Variants in LSAMP observed in about 807,000 individuals in gnomAD.
LSAMP encodes limbic system associated membrane protein.
LSAMP carries 7 observed loss-of-function variants against 38.6 expected under a neutral mutation model. The ratio of observed to expected loss-of-function variants is 0.18; its 90% CI spans 0.10 to 0.34. The LOEUF is 0.34. LSAMP is among the 10% of genes least tolerant of loss of function. The probability of loss-of-function intolerance (pLI) is 1.00; values close to 1 mark genes in which losing one functional copy is unlikely to be tolerated. For synonymous variants in LSAMP, 154 were observed against 166.8 expected (o/e 0.92, Z 0.59); for missense variants, 313 against 420.0 (o/e 0.75, Z 2.23).
chr3:116,335,485 C>T (rs1325005278), intron 1 of LSAMP, among the ~76,000 whole-genome samples: 1 of 152,034 alleles, frequency 6.6e-6, no homozygotes, highest in Non-Finnish European at 1.5e-5. Context: ...CTACAGTAAT[C>T]AAGAGTGTGG....
At chr3:115,944,340 T>C (rs1938026517) in intron 3 of LSAMP, among the ~76,000 whole-genome samples, 1 of 152,164 alleles carries the variant, frequency 6.6e-6, no homozygotes, top group Admixed American at 6.6e-5. Flanking sequence ...CATGACAGTT[T>C]TGCCTATTTG....
At chr3:116,410,131 A>AT (rs1265294710) in intron 1 of LSAMP, among the ~76,000 whole-genome samples, 1 of 152,018 alleles carries the variant, frequency 6.6e-6, no homozygotes, top group Non-Finnish European at 1.5e-5. Context: ...CATTAAGATA[A>AT]TTTCTGCTGT....
At chr3:116,345,392 A>G (rs1196579078) in intron 1 of LSAMP, among the ~76,000 whole-genome samples, 2 of 152,156 alleles carry the variant, frequency 1.3e-5, no homozygotes, top group Non-Finnish European at 2.9e-5. Context: ...AGCAGGGGTC[A>G]TCTGGAGAAA....
At chr3:116,275,470 G>T (rs1576476084) in intron 1 of LSAMP, among the ~76,000 whole-genome samples, 1 of 151,998 alleles carries the variant, frequency 6.6e-6, no homozygotes, top group East Asian at 1.9e-4. Context: ...AGTGTGTGTG[G>T]GCATTGGGGG....
At chr3:116,279,467 G>A (rs1423181674) in intron 1 of LSAMP, among the ~76,000 whole-genome samples, 2 of 152,270 alleles carry the variant, frequency 1.3e-5, no homozygotes, top group East Asian at 3.9e-4. Context: ...TTTGACTAAA[G>A]CCAGGTGTAG....
At chr3:116,275,872 A>G (rs1353276780) in intron 1 of LSAMP, among the ~76,000 whole-genome samples, 1 of 152,246 alleles carries the variant, frequency 6.6e-6, no homozygotes, top group Non-Finnish European at 1.5e-5. Context: ...TGATAGAATC[A>G]TTCTATACGT....
intron 1 of LSAMP, among the ~76,000 whole-genome samples, chr3:116,334,755 G>A (rs2047896917): frequency 6.6e-6 from 1 of 152,010 alleles, no homozygotes; most frequent in Non-Finnish European, 1.5e-5. Flanking sequence ...CATAAGTAAA[G>A]CCATATATGA....
intron 1 of LSAMP, among the ~76,000 whole-genome samples, chr3:116,438,022 A>G (rs1363854559): frequency 2.7e-5 from 4 of 148,700 alleles, no homozygotes; most frequent in African/African-American, 4.9e-5. Context: ...GGTTAATCAC[A>G]CATTAACTGG....
chr3:116,232,505 A>C (rs2046412077), intron 1 of LSAMP, among the ~76,000 whole-genome samples: 1 of 152,178 alleles, frequency 6.6e-6, no homozygotes, highest in African/African-American at 2.4e-5. Context: ...TTCAGTATCG[A>C]GATAGAAAGC....
At chr3:116,181,067 T>C (rs926184310) in intron 1 of LSAMP, among the ~76,000 whole-genome samples, 5 of 152,040 alleles carry the variant, frequency 3.3e-5, no homozygotes, top group African/African-American at 4.8e-5. Context: ...TATGTAGGAA[T>C]TGTGCTTGGC....
At chr3:115,939,450 C>A (rs1199947998) in intron 3 of LSAMP, among the ~76,000 whole-genome samples, 1 of 152,082 alleles carries the variant, frequency 6.6e-6, no homozygotes, top group African/African-American at 2.4e-5. Context: ...GCTTCTATTG[C>A]CTGTGCTTTT....
At chr3:116,159,992 T>G (rs1386214765) in intron 1 of LSAMP, among the ~76,000 whole-genome samples, 2 of 152,138 alleles carry the variant, frequency 1.3e-5, no homozygotes, top group African/African-American at 4.8e-5. Flanking sequence ...AACAAAATAC[T>G]GCATGTTCTC....
intron 3 of LSAMP, among the ~76,000 whole-genome samples, chr3:115,876,932 A>G (rs1936195785): frequency 6.6e-6 from 1 of 151,732 alleles, no homozygotes; most frequent in Admixed American, 6.6e-5. Flanking sequence ...AACTGTCCAC[A>G]CTCTCTCCCC....
At chr3:116,130,356 CTTGTG>C (rs1190765395) in intron 1 of LSAMP, among the ~76,000 whole-genome samples, 1 of 152,142 alleles carries the variant, frequency 6.6e-6, no homozygotes, top group East Asian at 1.9e-4. Flanking sequence ...AAATAGAAAA[CTTGTG>C]TTGATTATAT....
chr3:115,992,551 G>T (rs78114061), intron 3 of LSAMP, among the ~76,000 whole-genome samples: 2,740 of 152,012 alleles, frequency 0.018, 53 homozygotes, highest in African/African-American at 0.05. Flanking sequence ...TGAAACCACA[G>T]AGTCAAATCT....
chr3:116,148,812 T>C (rs1559760487), intron 1 of LSAMP, among the ~76,000 whole-genome samples: 1 of 152,018 alleles, frequency 6.6e-6, no homozygotes, highest in African/African-American at 2.4e-5. Flanking sequence ...TATTGGACAA[T>C]AGTCCCCACT....
At chr3:115,826,075 C>T (rs1188120936) in intron 6 of LSAMP, among the ~76,000 whole-genome samples, 2 of 151,938 alleles carry the variant, frequency 1.3e-5, no homozygotes, top group Non-Finnish European at 1.5e-5. Flanking sequence ...TTGTCGTTCT[C>T]TTCCCCTGCT....
chr3:116,131,128 C>T (rs1355226801), intron 1 of LSAMP, among the ~76,000 whole-genome samples: 2 of 151,786 alleles, frequency 1.3e-5, no homozygotes, highest in African/African-American at 4.8e-5. Context: ...GTAACTGGGA[C>T]TACAGGCGCC....
intron 6 of LSAMP, among the ~76,000 whole-genome samples, chr3:115,829,432 A>G (rs1480484403): frequency 6.6e-6 from 1 of 152,260 alleles, no homozygotes; most frequent in Non-Finnish European, 1.5e-5. Context: ...TATTAATCAG[A>G]GCCAATCATT....
Sources: gnomAD v4.1 joint callset for allele counts (sites outside exome capture counted in the v4.1 genomes callset) on GRCh38, gnomAD v4.1.1 for gene constraint, MANE v1.5 for transcripts, NCBI Gene and HGNC (gene_info 2026-07-23, HGNC 2026-07-21) for gene names.